Variants in AK4 observed in about 807,000 individuals in gnomAD.
The protein encoded by AK4 is adenylate kinase 4, also known as adenylate kinase 4, mitochondrial.
AK4 carries 13 observed loss-of-function variants against 24.6 expected under a neutral mutation model. That is an observed-to-expected ratio of 0.53 (90% CI 0.34 to 0.84). The LOEUF (loss-of-function observed/expected upper bound fraction) is 0.84. Ranked by LOEUF, AK4 falls within the 40% of genes least tolerant of loss-of-function variation. The pLI, the probability that AK4 is intolerant of heterozygous loss-of-function variation, is 0.01. For synonymous variants in AK4, 88 were observed against 107.0 expected (o/e 0.82, Z 1.10); for missense variants, 192 against 288.2 (o/e 0.67, Z 2.42).
chr1:65,180,695 T>C (rs963375384), intron 1 of AK4, among the ~76,000 whole-genome samples: 8 of 152,222 alleles, frequency 5.3e-5, no homozygotes, highest in African/African-American at 1.9e-4. Flanking sequence ...TTATTTCTAC[T>C]TCAGTGCCAA....
chr1:65,225,424 A>G (rs1320862778), intron 4 of AK4, among the ~76,000 whole-genome samples: 2 of 152,210 alleles, frequency 1.3e-5, no homozygotes, highest in Non-Finnish European at 2.9e-5. Flanking sequence ...CCGGCCAGTT[A>G]TCATTCTAGG....
chr1:65,212,396 A>G (rs1438190694), intron 2 of AK4, among the ~76,000 whole-genome samples: 1 of 151,810 alleles, frequency 6.6e-6, no homozygotes, highest in Non-Finnish European at 1.5e-5. Context: ...TCCTGGGCTC[A>G]GGTGATCTTC....
At chr1:65,152,356 CTCTCTATATATA>C (rs1166708940) in intron 1 of AK4, among the ~76,000 whole-genome samples, 29 of 33,910 alleles carry the variant, frequency 8.6e-4, no homozygotes, top group East Asian at 4.4e-3. Flanking sequence ...CTCTCTCTCT[CTCTCTATATATA>C]TATATATATA....
chr1:65,168,343 A>G (rs143042461), intron 1 of AK4, among the ~76,000 whole-genome samples: 6,303 of 152,076 alleles, frequency 0.041, 335 homozygotes, highest in African/African-American at 0.13. Context: ...ACGAGGTTTC[A>G]CCATGTTGGT....
intron 1 of AK4, among the ~76,000 whole-genome samples, chr1:65,152,239 C>A (rs1282537207): frequency 6.6e-6 from 1 of 150,582 alleles, no homozygotes; most frequent in East Asian, 1.9e-4. Context: ...GGAAAACTGG[C>A]ACATCTCCAT....
intron 1 of AK4, among the ~76,000 whole-genome samples, chr1:65,152,517 C>T (rs1480147531): frequency 6.7e-6 from 1 of 148,218 alleles, no homozygotes; most frequent in Non-Finnish European, 1.5e-5. Flanking sequence ...ATTCTTCTGC[C>T]TCAGCCTCCC....
intron 1 of AK4, among the ~76,000 whole-genome samples, chr1:65,178,758 C>T (rs1437111316): frequency 2.6e-5 from 4 of 152,142 alleles, no homozygotes; most frequent in African/African-American, 7.2e-5. Context: ...CTTTCCTCCA[C>T]GAGTCTGTAG....
chr1:65,224,077 G>GCAA (rs1652379761), intron 3 of AK4, among the ~76,000 whole-genome samples: 1 of 152,136 alleles, frequency 6.6e-6, no homozygotes, highest in Non-Finnish European at 1.5e-5. Context: ...TGAGAAAGAA[G>GCAA]CAACACATAG....
chr1:65,155,860 C>G (rs1399110839), intron 1 of AK4, among the ~76,000 whole-genome samples: 1 of 151,850 alleles, frequency 6.6e-6, no homozygotes, highest in Admixed American at 6.6e-5. Context: ...TTAGTAGAGA[C>G]GGTTTCACCG....
At chr1:65,192,867 A>T (rs1295507328) in intron 2 of AK4, among the ~76,000 whole-genome samples, 3 of 152,100 alleles carry the variant, frequency 2.0e-5, no homozygotes, top group Non-Finnish European at 4.4e-5. Flanking sequence ...ATCTCTGTGG[A>T]CTCCATATTC....
At chr1:65,176,703 T>A (rs1650727901) in intron 1 of AK4, among the ~76,000 whole-genome samples, 1 of 151,986 alleles carries the variant, frequency 6.6e-6, no homozygotes, top group South Asian at 2.1e-4. Flanking sequence ...ACGGTCTACC[T>A]CTCTCTTGCA....
At chr1:65,199,590 A>C (rs1431873514) in intron 2 of AK4, among the ~76,000 whole-genome samples, 1 of 152,084 alleles carries the variant, frequency 6.6e-6, no homozygotes, top group Non-Finnish European at 1.5e-5. Flanking sequence ...TAACCAGATA[A>C]CTGTAACAGT....
intron 2 of AK4, 52 bp from the exon 3 acceptor site, chr1:65,218,702 A>T: frequency 6.7e-7 from 1 of 1,496,726 alleles, no homozygotes; most frequent in African/African-American, 1.4e-5. Flanking sequence ...TCAAGAACTA[A>T]TTGGAACTGG....
chr1:65,170,625 C>T (rs1650485186), intron 1 of AK4, among the ~76,000 whole-genome samples: 1 of 152,164 alleles, frequency 6.6e-6, no homozygotes, highest in Non-Finnish European at 1.5e-5. Context: ...TGAGCTCTAG[C>T]TGGAACTGCT....
Position 65,228,928 on chromosome 1 carries a change from G to A in AK4, c.*2751G>A, listed in dbSNP as rs749163290. On this transcript the variant is annotated 3_prime_UTR_variant, in exon 5 of 5. Coordinates refer to ENST00000327299, the MANE Select transcript of AK4 (RefSeq NM_013410.4). ...GTATTTAATACCCTCCAACACTAAC[G>A]CAGACTTAAGATAGGTACTGTTTAT... 3.3e-5 allele frequency: 5 copies of A among 152,022 alleles called. No individual in the cohort carries two copies. Among genetic ancestry groups the A allele is most frequent in the South Asian group, 2.1e-4 (1 of 4,812 alleles). 9.4% of individuals were successfully genotyped at this position (152,022 alleles called of 1,614,324 possible).
chr1:65,214,512 A>G (rs540377952), intron 2 of AK4, among the ~76,000 whole-genome samples: 1 of 152,258 alleles, frequency 6.6e-6, no homozygotes, highest in Admixed American at 6.5e-5. Context: ...ACGGCTAGGT[A>G]AAGTCCCGGG....
Position 65,228,859 on chromosome 1 carries a change from A to T in AK4, c.*2682A>T, listed in dbSNP as rs564637332. On this transcript the variant is annotated 3_prime_UTR_variant, in exon 5 of 5. Coordinates refer to ENST00000327299, the MANE Select transcript of AK4 (RefSeq NM_013410.4). ...GCTCTTAATTCAATTTGCTTCCATT[A>T]TCCTAACAGGCTTCTTTCTTACTTA... The T allele has an allele frequency of 6.6e-6, 1 of 151,934 alleles. No individual in the cohort carries two copies. Among genetic ancestry groups the T allele is most frequent in the Non-Finnish European group, 1.5e-5 (1 of 68,006 alleles). 9.4% of individuals were successfully genotyped at this position (151,934 alleles called of 1,614,324 possible). A position where few individuals can be genotyped will look rare whatever the true frequency, so the allele number is the denominator to read the frequency against.
intron 1 of AK4, among the ~76,000 whole-genome samples, chr1:65,155,663 T>A (rs1649956179): frequency 6.7e-6 from 1 of 150,300 alleles, no homozygotes; most frequent in African/African-American, 2.5e-5. Context: ...TTTTTTTAGA[T>A]GGAGTTTTGC....
intron 3 of AK4, among the ~76,000 whole-genome samples, chr1:65,221,842 G>C (rs1278819383): frequency 6.6e-6 from 1 of 152,216 alleles, no homozygotes; most frequent in Non-Finnish European, 1.5e-5. Context: ...GAAGACCATA[G>C]TGAAAGTGCT....
Sources: allele counts gnomAD v4.1 joint callset (sites outside exome capture counted in the v4.1 genomes callset), GRCh38; gene constraint gnomAD v4.1.1; transcripts MANE v1.5; gene names NCBI Gene and HGNC (gene_info 2026-07-23, HGNC 2026-07-21).